Variants in FKBP9 observed in about 807,000 individuals in gnomAD.
FKBP9 encodes the protein peptidyl-prolyl cis-trans isomerase FKBP9.
A neutral mutation model predicts 55.6 loss-of-function variants in FKBP9; 27 were observed. The ratio of observed to expected loss-of-function variants is 0.49; its 90% confidence interval spans 0.36 to 0.67. The LOEUF is 0.67. Among genes scored for constraint, FKBP9 ranks in the 30% least tolerant of loss-of-function variants. The probability of loss-of-function intolerance (pLI) is 0.00; values close to 1 mark genes in which losing one functional copy is unlikely to be tolerated. For synonymous variants in FKBP9, 267 were observed against 296.5 expected (o/e 0.90, Z 1.02); for missense variants, 539 against 742.8 (o/e 0.73, Z 3.19).
rs186128517 is a variant in FKBP9, at chr7:32,964,333, A to G, written c.221+6539A>G. On this transcript the variant is annotated intron_variant, in intron 1 of 9. Coordinates refer to ENST00000242209, the MANE Select transcript of FKBP9 (RefSeq NM_007270.5). ...TATATTAACAATTTAATTTGGCTGTATGGTATTTTACTGGGCTAAGCCCTG... is the reference window on the plus strand; with the variant it reads ...TATATTAACAATTTAATTTGGCTGTGTGGTATTTTACTGGGCTAAGCCCTG... Among the ~76,000 whole-genome samples, 146 of 152,336 alleles carry G rather than the reference A, an allele frequency of 9.6e-4. 1 individual carries two copies. The highest frequency in any genetic ancestry group is 1.6e-3 in the Non-Finnish European group (108 of 68,032).
rs1249769828 is a variant in FKBP9 at position 33,005,387 on chromosome 7, G to C, written c.*36G>C. On this transcript the variant is annotated 3_prime_UTR_variant, in exon 10 of 10. Coordinates refer to ENST00000242209, the MANE Select transcript of FKBP9 (RefSeq NM_007270.5). ...AACCAGATGGTGCCAGGGAGTACGT[G>C]ACACCAAGCCACCTGTGTGGCAAGA... The C allele has an allele frequency of 6.2e-7, 1 of 1,609,646 alleles. No homozygotes were observed. The highest frequency in any genetic ancestry group is 1.1e-5 in the South Asian group (1 of 90,540).
intron 1 of FKBP9, among the ~76,000 whole-genome samples, chr7:32,960,108 CTTTTTTTTTTTTT>C (rs398004304): frequency 2.0e-5 from 2 of 98,630 alleles, no homozygotes; most frequent in Admixed American, 1.3e-4. Context: ...TTGTACTTGT[CTTTTTTTTTTTTT>C]TTTTTTTTGA....
intron 9 of FKBP9, 44 bp from the exon 10 acceptor site, chr7:33,005,131 A>G: frequency 6.3e-7 from 1 of 1,596,312 alleles, no homozygotes; most frequent in Non-Finnish European, 8.6e-7. Context: ...CCTGGCGTTC[A>G]TGGCGGCTGA....
intron 1 of FKBP9, among the ~76,000 whole-genome samples, chr7:32,960,034 C>T (rs369609734): frequency 6.6e-6 from 1 of 151,864 alleles, no homozygotes; most frequent in East Asian, 1.9e-4. Context: ...ACAATGGCTG[C>T]ACCATTTTAC....
intron 1 of FKBP9, among the ~76,000 whole-genome samples, chr7:32,968,040 C>A (rs1480842339): frequency 1.3e-5 from 2 of 152,224 alleles, no homozygotes; most frequent in Non-Finnish European, 1.5e-5. Flanking sequence ...CAGGCGTGAG[C>A]CACCGCGCCC....
rs148819710 is a variant in FKBP9, at chr7:32,984,023, G to A, written c.893+3470G>A. Among the ~76,000 whole-genome samples the A allele has an allele frequency of 9.1e-3, 1,384 of 152,236 alleles. 24 individuals carry two copies. Among genetic ancestry groups the A allele is most frequent in the African/African-American group, 0.032 (1,319 of 41,540 alleles). ...TTATTTGTTTGTTAATTTTGGTTAT[G>A]TTGATTTTTGGCCCATTTAACTGTA... On this transcript the variant is annotated intron_variant, in intron 5 of 9. Transcript: ENST00000242209.
At chr7:32,992,696 C>T (rs1583865565) in intron 6 of FKBP9, 1 of 201,624 alleles carries the variant, frequency 5.0e-6, no homozygotes, top group East Asian at 7.6e-5. Flanking sequence ...GTCTATGGTT[C>T]AAGGCTCTGA....
At chr7:32,989,538 C>T (rs1464920785) in intron 6 of FKBP9, among the ~76,000 whole-genome samples, 1 of 151,992 alleles carries the variant, frequency 6.6e-6, no homozygotes, top group African/African-American at 2.4e-5. Flanking sequence ...GCCTTAGCCT[C>T]CCAAGTAGCT....
chr7:32,970,579 ATTC>A (rs1298658099), intron 1 of FKBP9, among the ~76,000 whole-genome samples: 1 of 150,762 alleles, frequency 6.6e-6, no homozygotes, highest in Non-Finnish European at 1.5e-5. Context: ...TAAGTATTTC[ATTC>A]TTCTTGATGC....
At position 32,957,675 on chromosome 7, in the gene FKBP9, G is replaced by A. The variant is rs1256836073; in HGVS notation, c.102G>A (p.Ala34=). Residue 34 remains alanine (A), a synonymous_variant, in exon 1 of 10, where the codon GCG becomes GCA. Transcript: ENST00000242209. ...AAPVAGLGSD[A]ELQIERRFVP... The stretch of plus-strand genomic sequence containing the variant: ...CCGTGGCGGGCCTGGGCTCCGACGC[G>A]GAGCTGCAGATCGAGCGGCGCTTCG... The A allele has an allele frequency of 2.0e-6, 3 of 1,518,810 alleles. No homozygotes were observed. Among genetic ancestry groups the A allele is most frequent in the Non-Finnish European group, 2.6e-6 (3 of 1,142,282 alleles). 94.1% of individuals were successfully genotyped at this position (1,518,810 alleles called of 1,614,324 possible). A position where few individuals can be genotyped will look rare whatever the true frequency, so the allele number is the denominator to read the frequency against.
chr7:32,977,870 C>CATATATATATATATATAT (rs748298046), intron 4 of FKBP9, among the ~76,000 whole-genome samples: 75 of 124,610 alleles, frequency 6.0e-4, no homozygotes, highest in African/African-American at 2.3e-3. Context: ...TATACATGCC[C>CATATATATATATATATAT]ATATATATAT....
chr7:32,973,387 T>C (rs1264970315), intron 1 of FKBP9, among the ~76,000 whole-genome samples: 1 of 152,150 alleles, frequency 6.6e-6, no homozygotes, highest in Non-Finnish European at 1.5e-5. Flanking sequence ...CCTGTGATAA[T>C]TATAGCAATA....
intron 1 of FKBP9, among the ~76,000 whole-genome samples, chr7:32,958,010 C>T (rs1031068145): frequency 6.6e-6 from 1 of 152,224 alleles, no homozygotes; most frequent in African/African-American, 2.4e-5. Context: ...GGACTGGACC[C>T]TTGGAGGACC....
chr7:33,005,379 G>C lies in FKBP9; in HGVS notation c.*28G>C, dbSNP rs779517748. 1 of 1,611,842 alleles carries C rather than the reference G, an allele frequency of 6.2e-7. No homozygotes were observed. The highest frequency in any genetic ancestry group is 8.5e-7 in the Non-Finnish European group (1 of 1,178,376). The stretch of plus-strand genomic sequence containing the variant: ...CTGGCATGAACCAGATGGTGCCAGG[G>C]AGTACGTGACACCAAGCCACCTGTG... On this transcript the variant is annotated 3_prime_UTR_variant, in exon 10 of 10. Transcript: ENST00000242209.
At chr7:32,973,245 T>G (rs1784286187) in intron 1 of FKBP9, among the ~76,000 whole-genome samples, 1 of 152,164 alleles carries the variant, frequency 6.6e-6, no homozygotes, top group Non-Finnish European at 1.5e-5. Context: ...TTGCTAAATT[T>G]GACATTGAAG....
chr7:32,993,652 C>T (rs1475484973), intron 6 of FKBP9, among the ~76,000 whole-genome samples: 5 of 152,172 alleles, frequency 3.3e-5, no homozygotes, highest in African/African-American at 1.2e-4. Context: ...TGGTGAAACC[C>T]TGTCTCTACT....
chr7:32,977,890 T>TATATATATATATATATATATATAC (rs1473389643), intron 4 of FKBP9, among the ~76,000 whole-genome samples: 4 of 139,336 alleles, frequency 2.9e-5, no homozygotes, highest in African/African-American at 1.1e-4. Flanking sequence ...TATGTATATA[T>TATATATATATATATATATATATAC]ACACTCATAT....
intron 6 of FKBP9, among the ~76,000 whole-genome samples, chr7:32,992,060 C>A (rs9768154): frequency 0.16 from 24,463 of 151,974 alleles, 2,335 homozygotes; most frequent in Admixed American, 0.31. Flanking sequence ...TGGAATTGGA[C>A]CCAGGGCTCT....
chr7:33,001,250 T>C (rs1784925609), intron 8 of FKBP9, among the ~76,000 whole-genome samples: 1 of 152,150 alleles, frequency 6.6e-6, no homozygotes, highest in South Asian at 2.1e-4. Context: ...CTTTAAAAAT[T>C]GTTGTATATT....
Sources: gnomAD v4.1 joint callset for allele counts (sites outside exome capture counted in the v4.1 genomes callset) on GRCh38, gnomAD v4.1.1 for gene constraint, MANE v1.5 for transcripts, NCBI Gene and HGNC (gene_info 2026-07-23, HGNC 2026-07-21) for gene names.